Variants in COL4A4 observed in about 807,000 individuals in gnomAD.
COL4A4 encodes collagen alpha-4(IV) chain.
A neutral mutation model predicts 192.9 loss-of-function variants in COL4A4; 105 were observed. The observed-to-expected ratio is 0.54, with a 90% CI of 0.46 to 0.64. COL4A4 has a LOEUF of 0.64. Ranked by LOEUF, COL4A4 falls within the 30% of genes least tolerant of loss-of-function variation. The pLI is 0.00. For synonymous variants in COL4A4, 762 were observed against 769.9 expected, an observed-to-expected ratio of 0.99 and a Z score of 0.17; for missense variants, 1,967 against 2,169.3, an observed-to-expected ratio of 0.91 and a Z score of 1.85.
intron 1 of COL4A4, among the ~76,000 whole-genome samples, chr2:227,160,690 A>T (rs2064758469): frequency 6.6e-6 from 1 of 152,210 alleles, no homozygotes; most frequent in Non-Finnish European, 1.5e-5. Flanking sequence ...CATAATTTGC[A>T]ATTTTAATTG....
chr2:227,029,410 T>C (rs898026654), intron 41 of COL4A4, among the ~76,000 whole-genome samples: 3 of 152,222 alleles, frequency 2.0e-5, no homozygotes, highest in Non-Finnish European at 4.4e-5. Context: ...ATTGATTTCA[T>C]TGCTAATACA....
At position 227,079,982 on chromosome 2, in the gene COL4A4, C is replaced by T. The variant is rs538622483; in HGVS notation, c.1803+461G>A. The stretch of plus-strand genomic sequence containing the variant: ...ATCCTTTATCAGTGAGATTTTCCAT[C>T]AGCCAACGCCTTGACTCTGTGGGTT... On this transcript the variant is annotated intron_variant, in intron 24 of 47. Transcript: ENST00000396625. 2.0e-5 allele frequency among the ~76,000 whole-genome samples: 3 copies of T among 152,308 alleles called. No individual in the cohort carries two copies. The East Asian group carries it at 5.8e-4, about 29-fold the overall frequency.
Position 227,043,136 on chromosome 2 carries a change from G to A in COL4A4, c.3338C>T (p.Pro1113Leu). Residue 1113 changes from proline (P) to leucine (L), a missense_variant, in exon 36 of 48, where the codon CCC becomes CTC. Physicochemically the swap from Pro to Leu is moderately conservative, Grantham distance 98. Transcript: ENST00000396625. The stretch of plus-strand genomic sequence containing the variant: ...CCCTGGCCTTCCAGGTGATCCTCTG[G>A]GCCCTTGAATACCAGGCAAGCCCTG... ...GEQGLPGIQG[P>L]RGSPGRPGPP... The A allele has an allele frequency of 6.2e-7, 1 of 1,614,086 alleles. No homozygotes were observed. Among genetic ancestry groups the A allele is most frequent in the East Asian group, 2.2e-5 (1 of 44,864 alleles).
At chr2:227,142,112 A>C (rs1352347860) in intron 3 of COL4A4, among the ~76,000 whole-genome samples, 4 of 151,428 alleles carry the variant, frequency 2.6e-5, no homozygotes, top group Non-Finnish European at 4.4e-5. Flanking sequence ...AAAAAAAAAA[A>C]AAAAAACAGG....
the COL4A4 span, among the ~76,000 whole-genome samples, chr2:226,974,507 G>A: frequency 3.7e-4 from 57 of 152,270 alleles, no homozygotes; most frequent in Non-Finnish European, 1.6e-4. Flanking sequence ...AAAGTGCTGG[G>A]ATTACAGGCG....
Position 227,118,673 on chromosome 2 carries a change from C to T in COL4A4, c.461G>A (p.Arg154Lys). ...GGGGCCTCCTGGGCCAAGAGCTCCTCTTCCTCCTGGAAACCCTGGGTCACC... is the reference window on the plus strand; with the variant it reads ...GGGGCCTCCTGGGCCAAGAGCTCCTTTTCCTCCTGGAAACCCTGGGTCACC... ...SRGDPGFPGG[R>K]GALGPGGPLG... Residue 154 changes from arginine to lysine, a missense_variant, in exon 7 of 48, where the codon AGA (arginine) becomes AAA (lysine). Coordinates refer to ENST00000396625, the MANE Select transcript of COL4A4 (RefSeq NM_000092.5). The T allele has an allele frequency of 6.2e-7, 1 of 1,614,102 alleles. No individual in the cohort carries two copies. Among genetic ancestry groups the T allele is most frequent in the Non-Finnish European group, 8.5e-7 (1 of 1,179,988 alleles).
At chr2:227,112,470 T>C (rs1294084802) in intron 8 of COL4A4, among the ~76,000 whole-genome samples, 2 of 152,186 alleles carry the variant, frequency 1.3e-5, no homozygotes, top group Non-Finnish European at 2.9e-5. Flanking sequence ...GGTTTCACCA[T>C]GTTGGCCAGG....
At chr2:227,051,826 A>T (rs1313045615) in intron 32 of COL4A4, among the ~76,000 whole-genome samples, 1 of 152,156 alleles carries the variant, frequency 6.6e-6, no homozygotes, top group Admixed American at 6.5e-5. Context: ...AGTACACAGG[A>T]ACTTCAGCTA....
chr2:227,107,239 G>A (rs1452913421), intron 12 of COL4A4, among the ~76,000 whole-genome samples: 2 of 152,140 alleles, frequency 1.3e-5, no homozygotes, highest in Non-Finnish European at 2.9e-5. Flanking sequence ...GCAATGTTTT[G>A]ATACATTTTA....
chr2:227,125,354 G>A (rs796190762), intron 4 of COL4A4, among the ~76,000 whole-genome samples: 15 of 151,924 alleles, frequency 9.9e-5, no homozygotes, highest in African/African-American at 3.6e-4. Context: ...GACCACAGGC[G>A]CGCGCCATCA....
Position 227,030,546 on chromosome 2 carries a change from C to G in COL4A4, c.3870G>C (p.Glu1290Asp). 1 of 1,613,974 alleles carries G rather than the reference C, an allele frequency of 6.2e-7. No individual in the cohort carries two copies. The highest frequency in any genetic ancestry group is 8.5e-7 in the Non-Finnish European group (1 of 1,179,956). Residue 1290 changes from glutamate (E) to aspartate (D), a missense_variant, in exon 41 of 48, where the codon GAG becomes GAC. Transcript: ENST00000396625. Reference protein sequence around the residue: ...LPGSVDLLRGEPGDCGLPGPP... With the variant: ...LPGSVDLLRGDPGDCGLPGPP... ...GCCCTGGTAGACCACAGTCACCTGGCTCCCCTCTCAGAAGGTCAACACTCC... is the reference window on the plus strand; with the variant it reads ...GCCCTGGTAGACCACAGTCACCTGGGTCCCCTCTCAGAAGGTCAACACTCC...
the COL4A4 span, among the ~76,000 whole-genome samples, chr2:226,975,286 A>AAC: frequency 6.6e-5 from 10 of 151,790 alleles, no homozygotes; most frequent in East Asian, 3.9e-4. Flanking sequence ...TACACACACA[A>AAC]ACACACACAC....
intron 1 of COL4A4, among the ~76,000 whole-genome samples, chr2:227,155,277 C>T (rs553715276): frequency 6.6e-6 from 1 of 151,978 alleles, no homozygotes; most frequent in South Asian, 2.1e-4. Flanking sequence ...GCAATTGGAC[C>T]AGATCTCAGT....
At chr2:227,152,439 ATC>A (rs1010740879) in intron 1 of COL4A4, among the ~76,000 whole-genome samples, 7 of 152,200 alleles carry the variant, frequency 4.6e-5, no homozygotes, top group African/African-American at 1.7e-4. Context: ...CAGTTTGAAG[ATC>A]TCTGTCTTGA....
At chr2:227,051,246 G>C in intron 32 of COL4A4, 88 bp from the exon 33 acceptor site, 1 of 1,351,106 alleles carries the variant, frequency 7.4e-7, no homozygotes, top group African/African-American at 1.4e-5. Flanking sequence ...ACTTTTAGGA[G>C]ATAAAGCCAA....
At chr2:227,034,465 G>C (rs1319844490) in intron 37 of COL4A4, among the ~76,000 whole-genome samples, 1 of 151,770 alleles carries the variant, frequency 6.6e-6, no homozygotes, top group African/African-American at 2.4e-5. Flanking sequence ...TACGAGCACT[G>C]AAGCTTCTTC....
At chr2:227,133,208 TC>T (rs1014578477) in intron 4 of COL4A4, among the ~76,000 whole-genome samples, 2 of 152,144 alleles carry the variant, frequency 1.3e-5, no homozygotes, top group African/African-American at 4.8e-5. Flanking sequence ...CTGTTGCAAA[TC>T]ACTGACAAGT....
intron 2 of COL4A4, 34 bp from the exon 3 acceptor site, chr2:227,144,592 C>T (rs2063424459): frequency 1.3e-6 from 2 of 1,517,748 alleles, no homozygotes; most frequent in East Asian, 4.5e-5. Context: ...TTAATTTAAA[C>T]AGTTTCTTTT....
chr2:227,030,607 A>C lies in COL4A4; in HGVS notation c.3818-9T>G. 2 of 1,574,602 alleles carry C rather than the reference A, an allele frequency of 1.3e-6. No individual in the cohort carries two copies. The highest frequency in any genetic ancestry group is 1.7e-6 in the Non-Finnish European group (2 of 1,165,316). Reference sequence around the variant, plus strand: ...TGGAGGCCCAGGTGCTCCTGACCACAGAGAAGAGACAAAAATATTCTTTTA... The same window carrying C: ...TGGAGGCCCAGGTGCTCCTGACCACCGAGAAGAGACAAAAATATTCTTTTA... On this transcript the variant is annotated splice_polypyrimidine_tract_variant and intron_variant, in intron 40 of 47. Coordinates refer to ENST00000396625, the MANE Select transcript of COL4A4 (RefSeq NM_000092.5).
Sources: gnomAD v4.1 joint callset for allele counts (sites outside exome capture counted in the v4.1 genomes callset) on GRCh38, gnomAD v4.1.1 for gene constraint, MANE v1.5 for transcripts, NCBI Gene and HGNC (gene_info 2026-07-23, HGNC 2026-07-21) for gene names.